GMPS: variants seen among roughly 807,000 people sequenced by gnomAD.
GMPS encodes guanosine monophosphate synthase.
GMPS carries 15 observed loss-of-function variants against 77.9 expected under a neutral mutation model. The observed-to-expected ratio is 0.19, with a 90% CI of 0.13 to 0.30. GMPS has a LOEUF of 0.30. Ranked by LOEUF, GMPS falls within the 10% of genes least tolerant of loss-of-function variation. GMPS has a pLI of 1.00. For missense variants in GMPS, 590 were observed against 838.8 expected (o/e 0.70, Z 3.66); for synonymous variants, 224 against 275.9 (o/e 0.81, Z 1.86).
chr3:155,896,925 G>A (rs12634592), intron 2 of GMPS, among the ~76,000 whole-genome samples: 38,181 of 151,750 alleles, frequency 0.25, 5,181 homozygotes, highest in South Asian at 0.44. Context: ...ATACAGATAA[G>A]TCAGATTTAT....
At chr3:155,885,091 G>A (rs1332260755) in intron 1 of GMPS, among the ~76,000 whole-genome samples, 2 of 152,310 alleles carry the variant, frequency 1.3e-5, no homozygotes, top group Non-Finnish European at 2.9e-5. Flanking sequence ...TACGTAACAC[G>A]TAGAAACTAA....
intron 3 of GMPS, among the ~76,000 whole-genome samples, chr3:155,898,909 T>C (rs1212384311): frequency 1.3e-5 from 2 of 152,202 alleles, no homozygotes; most frequent in East Asian, 3.9e-4. Flanking sequence ...CATTAATTAA[T>C]AAGTATATGT....
intron 3 of GMPS, among the ~76,000 whole-genome samples, chr3:155,900,760 A>G (rs896524596): frequency 3.9e-5 from 6 of 152,134 alleles, no homozygotes; most frequent in Non-Finnish European, 8.8e-5. Context: ...TAGTAAGATA[A>G]TGGGATATGC....
At chr3:155,881,651 G>A (rs774341896) in intron 1 of GMPS, among the ~76,000 whole-genome samples, 8 of 152,076 alleles carry the variant, frequency 5.3e-5, no homozygotes, top group Non-Finnish European at 1.0e-4. Flanking sequence ...TTTTTTGTTC[G>A]TGAGTTTGTG....
chr3:155,920,515 C>T, intron 10 of GMPS, among the ~76,000 whole-genome samples: 1 of 143,626 alleles, frequency 7.0e-6, no homozygotes, highest in East Asian at 2.0e-4. Flanking sequence ...GCAGAGGTTG[C>T]AGTGAGACAA....
At chr3:155,870,271 C>G (rs186485165), upstream of GMPS, among the ~76,000 whole-genome samples, 241 of 152,364 alleles carry the variant, frequency 1.6e-3, 2 homozygotes, top group African/African-American at 5.3e-3. Flanking sequence ...GAGGCCTCTT[C>G]GGTGCCGCCA....
chr3:155,934,618 C>T lies in GMPS; in HGVS notation c.1677-298C>T, dbSNP rs538043414. Among the ~76,000 whole-genome samples the T allele has an allele frequency of 2.7e-4, 41 of 152,278 alleles. 1 individual carries two copies. The highest frequency in any genetic ancestry group is 8.2e-4 in the African/African-American group (34 of 41,558). On this transcript the variant is annotated intron_variant, in intron 13 of 15. Coordinates refer to ENST00000496455, the MANE Select transcript of GMPS (RefSeq NM_003875.3). ...GGCATGAAGTTTTGGGGATACTCTT[C>T]GACCCAGTACATTAAGTGAAAAGAG... is the stretch of plus-strand genomic sequence containing the variant.
intron 9 of GMPS, 78 bp downstream of exon 9, chr3:155,916,270 T>G: frequency 4.5e-6 from 4 of 892,728 alleles, no homozygotes; most frequent in Non-Finnish European, 7.2e-6. Context: ...CCCTCTAATA[T>G]TCACAGAATT....
chr3:155,929,050 C>T (rs1169495289), intron 12 of GMPS, among the ~76,000 whole-genome samples: 3 of 151,334 alleles, frequency 2.0e-5, no homozygotes, highest in Non-Finnish European at 4.4e-5. Flanking sequence ...GGGTATATAC[C>T]CAGTAATGGG....
intron 12 of GMPS, among the ~76,000 whole-genome samples, chr3:155,926,572 A>G (rs1223084066): frequency 1.3e-5 from 2 of 151,946 alleles, no homozygotes; most frequent in Non-Finnish European, 2.9e-5. Flanking sequence ...AACTTAAAGT[A>G]TAATAATAAA....
At chr3:155,933,689 A>G (rs1443602195) in intron 13 of GMPS, among the ~76,000 whole-genome samples, 3 of 152,202 alleles carry the variant, frequency 2.0e-5, no homozygotes, top group Non-Finnish European at 4.4e-5. Flanking sequence ...AAACTTTACC[A>G]TGATAGTTTC....
chr3:155,936,568 T>C lies in GMPS; in HGVS notation c.1980+58T>C, dbSNP rs1755770665. 2.0e-5 allele frequency: 19 copies of C among 974,002 alleles called. 1 individual carries two copies. In the South Asian group the frequency reaches 2.0e-4, roughly 10 times the overall value. 60.3% of individuals were successfully genotyped at this position (974,002 alleles called of 1,614,324 possible). ...TCAGTACCTCTTACATTTTATAATA[T>C]GGTGAATGGAATAGGCTATGCCAGT... On this transcript the variant is annotated intron_variant, in intron 15 of 15. Transcript: ENST00000496455.
In GMPS at chr3:155,937,577, AT is replaced by A. The variant is rs1755792965; in HGVS notation, c.1981-6del. ...CAGTGGATGCTGACTTTTCTCTATA[AT>A]TTTTTTTAATAGGTGGTATTAAAGA... On this transcript the variant is annotated splice_polypyrimidine_tract_variant and intron_variant, in intron 15 of 15. Coordinates refer to ENST00000496455, the MANE Select transcript of GMPS (RefSeq NM_003875.3). The A allele has an allele frequency of 5.6e-5, 64 of 1,142,684 alleles. No homozygotes were observed. Among genetic ancestry groups the A allele is most frequent in the Non-Finnish European group, 7.3e-5 (55 of 753,696 alleles). The allele number at this position is 1,142,684 out of a possible 1,614,324, so 70.8% of individuals were successfully genotyped here.
chr3:155,914,403 C>A lies in GMPS; in HGVS notation c.887-16C>A. On this transcript the variant is annotated splice_polypyrimidine_tract_variant and intron_variant, in intron 7 of 15. Coordinates refer to ENST00000496455, the MANE Select transcript of GMPS (RefSeq NM_003875.3). ...CATGTTATACCAATTTAAAACGCTT[C>A]TCCCCTTTCCTCCAGTGATAAATGC... The A allele has an allele frequency of 6.6e-7, 1 of 1,511,570 alleles. No homozygotes were observed. The highest frequency in any genetic ancestry group is 8.8e-7 in the Non-Finnish European group (1 of 1,131,926). 93.6% of individuals were successfully genotyped at this position (1,511,570 alleles called of 1,614,324 possible).
chr3:155,896,870 TGTAA>T (rs1482387499), intron 2 of GMPS, among the ~76,000 whole-genome samples: 1 of 152,094 alleles, frequency 6.6e-6, no homozygotes, highest in African/African-American at 2.4e-5. Flanking sequence ...AGTCCAAATT[TGTAA>T]GTAAGTTTTT....
chr3:155,909,348 A>G (rs903255934), intron 5 of GMPS, among the ~76,000 whole-genome samples: 3 of 152,234 alleles, frequency 2.0e-5, no homozygotes, highest in Admixed American at 1.3e-4. Context: ...AGTCTAATAT[A>G]TGAGATTCTT....
chr3:155,926,858 C>T (rs1025340696), intron 12 of GMPS, among the ~76,000 whole-genome samples: 2 of 151,986 alleles, frequency 1.3e-5, no homozygotes, highest in Non-Finnish European at 1.5e-5. Flanking sequence ...AACCCCATCT[C>T]TACTAATTAG....
At chr3:155,872,114 C>T (rs912147180) in intron 1 of GMPS, among the ~76,000 whole-genome samples, 20 of 152,288 alleles carry the variant, frequency 1.3e-4, no homozygotes, top group Admixed American at 6.5e-5. Flanking sequence ...TGGTGCTCTA[C>T]GTCAGATAGT....
chr3:155,910,885 G>T lies in GMPS; in HGVS notation c.720G>T (p.Leu240Phe). Residue 240 changes from leucine (L) to phenylalanine (F), a missense_variant and splice_region_variant, in exon 6 of 16, where the codon TTG (leucine) becomes TTT (phenylalanine). This residue lies in a region of GMPS where 181 missense variants were observed against 186.8 expected (regional missense o/e 0.97). Coordinates refer to ENST00000496455, the MANE Select transcript of GMPS (RefSeq NM_003875.3). ...AGAGAGTAGGCACGTCAAAAGTTTT[G>T]GTAAGCAAATTATTATCTGGAAGTC... ...IKERVGTSKV[L>F]VLLSGGVDST... is the part of the protein sequence containing the mutation. 6.4e-7 allele frequency: 1 copy of T among 1,559,022 alleles called. No individual in the cohort carries two copies. Among genetic ancestry groups the T allele is most frequent in the South Asian group, 1.2e-5 (1 of 83,368 alleles).
Sources: gnomAD v4.1 joint callset for allele counts (sites outside exome capture counted in the v4.1 genomes callset) on GRCh38, gnomAD v4.1.1 for gene constraint, gnomAD v4.1.1 regional missense constraint, MANE v1.5 for transcripts, NCBI Gene and HGNC (gene_info 2026-07-23, HGNC 2026-07-21) for gene names.